Variants in PLCXD3 observed in about 807,000 individuals in gnomAD.
PLCXD3 encodes the protein PI-PLC X domain-containing protein 3.
Under a neutral mutation model 25.5 loss-of-function variants are expected in PLCXD3, and 19 were observed. That is an observed-to-expected ratio of 0.75 (90% CI 0.52 to 1.09). The LOEUF is 1.09. Ranked by LOEUF, PLCXD3 falls within the 50% of genes least tolerant of loss-of-function variation. The pLI is 0.00. For synonymous variants in PLCXD3, 174 were observed against 137.6 expected (o/e 1.26, Z -1.85); for missense variants, 411 against 388.1 (o/e 1.06, Z -0.50).
intron 1 of PLCXD3, among the ~76,000 whole-genome samples, chr5:41,414,583 A>G (rs944783461): frequency 6.6e-6 from 1 of 152,240 alleles, no homozygotes; most frequent in African/African-American, 2.4e-5. Context: ...AATCAAATAA[A>G]AAAGCATAAG....
intron 2 of PLCXD3, among the ~76,000 whole-genome samples, chr5:41,332,872 CT>C (rs1743868467): frequency 6.6e-6 from 1 of 152,128 alleles, no homozygotes; most frequent in Non-Finnish European, 1.5e-5. Flanking sequence ...CATATTCTCA[CT>C]CATAGGTGGG....
At position 41,360,682 on chromosome 5, in the gene PLCXD3, T is replaced by A. The variant is rs907569178; in HGVS notation, c.812+21144A>T. ...CAGGCTCCCAGCTGGTACTGGCGAG[T>A]GTCTGCAAAGAGTCTTGTGATGTGA... On this transcript the variant is annotated intron_variant, in intron 2 of 2. Transcript: ENST00000377801. Among the ~76,000 whole-genome samples, 5 of 152,032 alleles carry A rather than the reference T, an allele frequency of 3.3e-5. No homozygotes were observed. The South Asian group carries it at 6.2e-4, about 19-fold the overall frequency.
rs1743169232 is a variant in PLCXD3, at chr5:41,312,704, C to CCTTCCTTCCTTCCTTT, written c.*912_*913insAAAGGAAGGAAGGAAG. 1.4e-5 allele frequency: 2 copies of CCTTCCTTCCTTCCTTT among 145,584 alleles called. No homozygotes were observed. Among genetic ancestry groups the CCTTCCTTCCTTCCTTT allele is most frequent in the African/African-American group, 5.1e-5 (2 of 39,316 alleles). The allele number at this position is 145,584 out of a possible 1,614,324, so 9.0% of individuals were successfully genotyped here. On this transcript the variant is annotated 3_prime_UTR_variant, in exon 3 of 3. Transcript: ENST00000377801. ...TCTTCCTTTCCTTCCTTCCTTCCTT[C>CCTTCCTTCCTTCCTTT]CTTCCTTCCTTCCTTCCTTCCTTCC... is the stretch of plus-strand genomic sequence containing the variant.
At chr5:41,385,904 T>C (rs552638841) in intron 1 of PLCXD3, among the ~76,000 whole-genome samples, 2 of 152,026 alleles carry the variant, frequency 1.3e-5, no homozygotes, top group Non-Finnish European at 1.5e-5. Context: ...ATGAGTAAGC[T>C]TGGAAATAAT....
At chr5:41,349,001 G>A (rs1744379046) in intron 2 of PLCXD3, among the ~76,000 whole-genome samples, 1 of 152,098 alleles carries the variant, frequency 6.6e-6, no homozygotes, top group Non-Finnish European at 1.5e-5. Flanking sequence ...TAAAACCTGC[G>A]ATTCAAAATT....
chr5:41,448,963 CA>C (rs1273903676), intron 1 of PLCXD3, among the ~76,000 whole-genome samples: 4 of 152,170 alleles, frequency 2.6e-5, no homozygotes, highest in African/African-American at 9.6e-5. Flanking sequence ...TAAACATGCA[CA>C]CCTTTCCCTT....
chr5:41,325,339 T>C (rs1023425699), intron 2 of PLCXD3, among the ~76,000 whole-genome samples: 2 of 152,170 alleles, frequency 1.3e-5, no homozygotes, highest in Non-Finnish European at 2.9e-5. Flanking sequence ...TCAGACAGTC[T>C]CAAGTAGAAT....
intron 2 of PLCXD3, among the ~76,000 whole-genome samples, chr5:41,333,842 T>C (rs538731703): frequency 6.6e-6 from 1 of 152,074 alleles, no homozygotes; most frequent in Non-Finnish European, 1.5e-5. Flanking sequence ...AGAAAGTAAT[T>C]AAAGGCACAG....
intron 1 of PLCXD3, among the ~76,000 whole-genome samples, chr5:41,391,833 T>A (rs1257148176): frequency 6.6e-6 from 1 of 151,632 alleles, no homozygotes; most frequent in African/African-American, 2.4e-5. Context: ...CCCTGAAGGG[T>A]GAGTCCCAGG....
chr5:41,351,738 A>G (rs1365895958), intron 2 of PLCXD3, among the ~76,000 whole-genome samples: 1 of 152,216 alleles, frequency 6.6e-6, no homozygotes, highest in Non-Finnish European at 1.5e-5. Context: ...CATTGATTCA[A>G]TGAATAAGAA....
At chr5:41,431,662 G>A (rs1747107923) in intron 1 of PLCXD3, among the ~76,000 whole-genome samples, 1 of 152,026 alleles carries the variant, frequency 6.6e-6, no homozygotes. Flanking sequence ...CCAATTATCT[G>A]TTTTATTTGA....
chr5:41,415,403 C>T (rs1303533093), intron 1 of PLCXD3, among the ~76,000 whole-genome samples: 2 of 152,120 alleles, frequency 1.3e-5, no homozygotes, highest in African/African-American at 4.8e-5. Flanking sequence ...TGGAATAGCT[C>T]CAAAACAGGC....
At chr5:41,329,650 A>G (rs891459752) in intron 2 of PLCXD3, among the ~76,000 whole-genome samples, 3 of 151,906 alleles carry the variant, frequency 2.0e-5, no homozygotes, top group South Asian at 2.1e-4. Context: ...CAAATTGACC[A>G]GTCAATTTGA....
chr5:41,488,263 A>T lies in PLCXD3; in HGVS notation c.103+22161T>A, dbSNP rs1439306385. Among the ~76,000 whole-genome samples, 3 of 141,348 alleles carry T rather than the reference A, an allele frequency of 2.1e-5. No homozygotes were observed. The East Asian group carries it at 6.2e-4, about 29-fold the overall frequency. 92.7% of individuals were successfully genotyped at this position (141,348 alleles called of 152,430 possible). The stretch of plus-strand genomic sequence containing the variant: ...TCCCTACAAAGGACATGAACTCATC[A>T]TTTTTTATGGCTGCATAGTATTCCA... On this transcript the variant is annotated intron_variant, in intron 1 of 2. Coordinates refer to ENST00000377801, the MANE Select transcript of PLCXD3 (RefSeq NM_001005473.3).
At chr5:41,471,497 A>G (rs1748157507) in intron 1 of PLCXD3, among the ~76,000 whole-genome samples, 1 of 152,208 alleles carries the variant, frequency 6.6e-6, no homozygotes. Flanking sequence ...AGAATCGCCC[A>G]TCCCAGTGGT....
At chr5:41,391,881 T>C (rs2099842945) in intron 1 of PLCXD3, among the ~76,000 whole-genome samples, 1 of 152,124 alleles carries the variant, frequency 6.6e-6, no homozygotes, top group Non-Finnish European at 1.5e-5. Context: ...TAAGGGAACA[T>C]AGGCCTTAAG....
chr5:41,464,995 G>T (rs1747980377), intron 1 of PLCXD3, among the ~76,000 whole-genome samples: 1 of 151,830 alleles, frequency 6.6e-6, no homozygotes, highest in East Asian at 1.9e-4. Flanking sequence ...TCTGCTTCTT[G>T]TTTCATCATC....
At chr5:41,452,269 T>C (rs1410946291) in intron 1 of PLCXD3, among the ~76,000 whole-genome samples, 2 of 152,090 alleles carry the variant, frequency 1.3e-5, no homozygotes, top group African/African-American at 4.8e-5. Flanking sequence ...TGCAGAACCT[T>C]ACTGAATACT....
intron 1 of PLCXD3, among the ~76,000 whole-genome samples, chr5:41,470,556 T>C (rs1195186817): frequency 6.6e-6 from 1 of 151,858 alleles, no homozygotes; most frequent in Non-Finnish European, 1.5e-5. Context: ...AGAACTAAGG[T>C]TTTCCTACAG....
Sources: allele counts gnomAD v4.1 joint callset (sites outside exome capture counted in the v4.1 genomes callset), GRCh38; gene constraint gnomAD v4.1.1; transcripts MANE v1.5; gene names NCBI Gene and HGNC (gene_info 2026-07-23, HGNC 2026-07-21).